The following NUTM2A variants were observed in gnomAD, a reference collection of about 807,000 sequenced individuals.
The protein encoded by NUTM2A is NUT family member 2A.
In NUTM2A, 3 loss-of-function variants were observed where a neutral mutation model predicts 24.4. That is an observed-to-expected ratio of 0.12 (90% CI 0.06 to 0.32). The LOEUF is 0.32. Among genes scored for constraint, NUTM2A ranks in the 10% least tolerant of loss-of-function variants. NUTM2A has a pLI of 1.00. For synonymous variants in NUTM2A, 11 were observed against 278.4 expected (o/e 0.04, Z 9.56); for missense variants, 39 against 631.1 (o/e 0.06, Z 10.05).
intron 5 of NUTM2A, among the ~76,000 whole-genome samples, chr10:87,233,244 CAT>C (rs1159441624): frequency 1.8e-5 from 1 of 55,154 alleles, no homozygotes; most frequent in East Asian, 3.1e-4. Flanking sequence ...TTTCCTGTGT[CAT>C]ATGTGGGTCT....
chr10:87,229,311 C>G (rs1285539804), intron 2 of NUTM2A, among the ~76,000 whole-genome samples: 2 of 152,216 alleles, frequency 1.3e-5, no homozygotes, highest in African/African-American at 4.8e-5. Context: ...AGTGCCTCCC[C>G]TTTAACCCAG....
chr10:87,232,917 AC>A lies in NUTM2A; in HGVS notation c.1667del (p.Thr556SerfsTer8). 1 of 1,405,120 alleles carries A rather than the reference AC, an allele frequency of 7.1e-7. No homozygotes were observed. The highest frequency in any genetic ancestry group is 2.5e-4 in the Middle Eastern group (1 of 4,068). The allele number at this position is 1,405,120 out of a possible 1,614,324, so 87.0% of individuals were successfully genotyped here. A position where few individuals can be genotyped will look rare whatever the true frequency, so the allele number is the denominator to read the frequency against. On this transcript the variant is annotated frameshift_variant, in exon 5 of 7. Coordinates refer to ENST00000381707, the MANE Select transcript of NUTM2A (RefSeq NM_001099338.2). LOFTEE classifies it high-confidence loss of function. ...EVKQPQEEDW[T>X]PPDPGLLSYT... The stretch of plus-strand genomic sequence containing the variant: ...GAAGCAGCCACAGGAAGAGGACTGG[AC>A]GCCCCCAGACCCGGGCCTCCTGAGC...
intron 2 of NUTM2A, among the ~76,000 whole-genome samples, chr10:87,229,493 T>G (rs1306081626): frequency 6.6e-6 from 1 of 152,224 alleles, no homozygotes; most frequent in African/African-American, 2.4e-5. Context: ...GAGCAGGTAT[T>G]TGCATCTTCA....
At position 87,229,286 on chromosome 10, in the gene NUTM2A, T is replaced by C. The variant is rs554319925; in HGVS notation, c.1082+324T>C. Among the ~76,000 whole-genome samples, 7 of 152,314 alleles carry C rather than the reference T, an allele frequency of 4.6e-5. No individual in the cohort carries two copies. In the East Asian group the frequency reaches 1.2e-3, roughly 25 times the overall value. On this transcript the variant is annotated intron_variant, in intron 2 of 6. Coordinates refer to ENST00000381707, the MANE Select transcript of NUTM2A (RefSeq NM_001099338.2). ...TGAGCTACGGTTTGGGTTTAGGTCTTTGAGTACACGCCCCAGTGCCTCCCC... is the reference window on the plus strand; with the variant it reads ...TGAGCTACGGTTTGGGTTTAGGTCTCTGAGTACACGCCCCAGTGCCTCCCC...
intron 2 of NUTM2A, among the ~76,000 whole-genome samples, chr10:87,229,179 A>G (rs866668029): frequency 6.3e-4 from 96 of 152,260 alleles, no homozygotes; most frequent in East Asian, 4.0e-3. Context: ...CTGTCCCGTG[A>G]GTCCAGCCAA....
chr10:87,228,710 T>C lies in NUTM2A; in HGVS notation c.830T>C (p.Leu277Pro). ...TGTGAGGGAGGCTGGTCCCAGGGCC[T>C]TCCTCTTCCACCACCACCACCACCG... ...QACEGGWSQGLPLPPPPPPAA... is the reference protein window; with the variant it reads ...QACEGGWSQGPPLPPPPPPAA... The change falls in exon 2 of 7, where the codon CTT becomes CCT. Residue 277 changes from leucine (L) to proline (P), a missense_variant. Leu to Pro is a moderately conservative substitution (Grantham distance 98). Transcript: ENST00000381707. The C allele has an allele frequency of 1.0e-6, 1 of 992,864 alleles. No homozygotes were observed. The highest frequency in any genetic ancestry group is 1.7e-5 in the South Asian group (1 of 59,890). 61.5% of individuals were successfully genotyped at this position (992,864 alleles called of 1,614,324 possible). A position where few individuals can be genotyped will look rare whatever the true frequency, so the allele number is the denominator to read the frequency against.
chr10:87,229,408 T>C (rs1201327583), intron 2 of NUTM2A, among the ~76,000 whole-genome samples: 7 of 152,358 alleles, frequency 4.6e-5, no homozygotes, highest in Admixed American at 2.0e-4. Context: ...GCAGTTCCGC[T>C]GAGGTCCAGT....
intron 2 of NUTM2A, among the ~76,000 whole-genome samples, chr10:87,229,648 C>G (rs1398234326): frequency 6.6e-6 from 1 of 152,154 alleles, no homozygotes; most frequent in Non-Finnish European, 1.5e-5. Flanking sequence ...GATTACTGTC[C>G]CCATTACTAT....
chr10:87,232,409 T>C (rs1189417233), intron 4 of NUTM2A, among the ~76,000 whole-genome samples, 194 bp from the exon 5 acceptor site: 4 of 144,518 alleles, frequency 2.8e-5, no homozygotes, highest in African/African-American at 1.0e-4. Flanking sequence ...CACGGCATAT[T>C]GGTGGCTCCA....
chr10:87,229,373 C>G (rs1414784455), intron 2 of NUTM2A, among the ~76,000 whole-genome samples: 5 of 152,360 alleles, frequency 3.3e-5, no homozygotes, highest in African/African-American at 1.2e-4. Flanking sequence ...AGCTGCAGGA[C>G]CCAGCAGGAA....
chr10:87,228,836 C>G lies in NUTM2A; in HGVS notation c.956C>G (p.Pro319Arg). ...CTGGCTTCCTCCCAGGCCAAGGCCCCGCCAGATGACTCCTGTAACCCCAGG... is the reference window on the plus strand; with the variant it reads ...CTGGCTTCCTCCCAGGCCAAGGCCCGGCCAGATGACTCCTGTAACCCCAGG... Reference protein sequence around the residue: ...GSLASSQAKAPPDDSCNPRSV... With the variant: ...GSLASSQAKARPDDSCNPRSV... Residue 319 changes from proline to arginine, a missense_variant, in exon 2 of 7, where the codon CCG becomes CGG. Pro to Arg is a moderately radical substitution (Grantham distance 103). Transcript: ENST00000381707. The G allele has an allele frequency of 1.6e-6, 2 of 1,253,764 alleles. No homozygotes were observed. The highest frequency in any genetic ancestry group is 2.3e-6 in the Non-Finnish European group (2 of 875,592). 77.7% of individuals were successfully genotyped at this position (1,253,764 alleles called of 1,614,324 possible).
rs563363695 is a variant in NUTM2A, at chr10:87,233,044, C to G, written c.1734+59C>G. 1.7e-4 allele frequency: 224 copies of G among 1,283,508 alleles called. 5 individuals are homozygous for G. The highest frequency in any genetic ancestry group is 2.4e-5 in the Non-Finnish European group (22 of 916,080). 79.5% of individuals were successfully genotyped at this position (1,283,508 alleles called of 1,614,324 possible). A position where few individuals can be genotyped will look rare whatever the true frequency, so the allele number is the denominator to read the frequency against. On this transcript the variant is annotated intron_variant, in intron 5 of 6. Coordinates refer to ENST00000381707, the MANE Select transcript of NUTM2A (RefSeq NM_001099338.2). ...TTCCAGGGGGTGGCACTCCCAGGTC[C>G]TTGGAATTAAGCTCTGTTCCTTAGC...
intron 2 of NUTM2A, among the ~76,000 whole-genome samples, chr10:87,229,217 A>G (rs1036958558): frequency 1.2e-4 from 19 of 152,292 alleles, no homozygotes; most frequent in African/African-American, 3.8e-4. Context: ...TTTCACAACA[A>G]TGTTTACAGA....
chr10:87,229,597 T>C (rs1233938095), intron 2 of NUTM2A, among the ~76,000 whole-genome samples: 10 of 152,220 alleles, frequency 6.6e-5, no homozygotes, highest in Admixed American at 2.6e-4. Flanking sequence ...CATAGCACAG[T>C]GCCTGGCACA....
chr10:87,234,319 CAG>C lies in NUTM2A; in HGVS notation c.2249_2250del (p.Gln750ArgfsTer4). On this transcript the variant is annotated frameshift_variant, in exon 7 of 7. Coordinates refer to ENST00000381707, the MANE Select transcript of NUTM2A (RefSeq NM_001099338.2). LOFTEE classifies it low-confidence loss of function (END_TRUNC). Reference protein sequence around the residue: ...SPVRESHGLAQGSSEEEELPS... With the variant: ...SPVRESHGLAXGSSEEEELPS... ...TGTCAGGGAGTCACATGGGCTGGCT[CAG>C]GGGTCAAGTGAGGAGGAGGAACTCC... The C allele has an allele frequency of 7.5e-7, 1 of 1,332,352 alleles. No homozygotes were observed. 82.5% of individuals were successfully genotyped at this position (1,332,352 alleles called of 1,614,324 possible). A position where few individuals can be genotyped will look rare whatever the true frequency, so the allele number is the denominator to read the frequency against.
At chr10:87,229,270 G>A (rs1849354871) in intron 2 of NUTM2A, among the ~76,000 whole-genome samples, 1 of 152,200 alleles carries the variant, frequency 6.6e-6, no homozygotes, top group Non-Finnish European at 1.5e-5. Flanking sequence ...GTGAGCTACG[G>A]TTTGGGTTTA....
intron 2 of NUTM2A, among the ~76,000 whole-genome samples, chr10:87,229,672 A>G (rs1849361824): frequency 1.3e-5 from 2 of 152,068 alleles, no homozygotes; most frequent in Admixed American, 6.5e-5. Context: ...TATCAAGACT[A>G]GGCCATCTAG....
rs1232850623 is a variant in NUTM2A, at chr10:87,228,921, TC to T, written c.1045del (p.Gln349ArgfsTer26). 2.5e-6 allele frequency: 3 copies of T among 1,219,354 alleles called. No individual in the cohort carries two copies. Among genetic ancestry groups the T allele is most frequent in the African/African-American group, 3.0e-5 (2 of 66,808 alleles). 75.5% of individuals were successfully genotyped at this position (1,219,354 alleles called of 1,614,324 possible). ...ACAAGCCCCTGGCCCGGAGGCACCT[TC>T]CCCAGAGTCCTGACACCGAAGCGCT... ...HYKPLARRHL[P>X]QSPDTEALSC... On this transcript the variant is annotated frameshift_variant, in exon 2 of 7. Transcript: ENST00000381707. LOFTEE classifies it high-confidence loss of function.
intron 2 of NUTM2A, among the ~76,000 whole-genome samples, chr10:87,229,183 C>T (rs1005015428): frequency 6.6e-6 from 1 of 152,192 alleles, no homozygotes; most frequent in Non-Finnish European, 1.5e-5. Flanking sequence ...CCCGTGAGTC[C>T]AGCCAATCCT....
Sources: allele counts gnomAD v4.1 joint callset (sites outside exome capture counted in the v4.1 genomes callset), GRCh38; gene constraint gnomAD v4.1.1; transcripts MANE v1.5; gene names NCBI Gene and HGNC (gene_info 2026-07-23, HGNC 2026-07-21).